COG4: variants seen among roughly 807,000 people sequenced by gnomAD.
COG4 encodes the protein component of oligomeric golgi complex 4, also known as conserved oligomeric Golgi complex subunit 4.
Under a neutral mutation model 95.1 loss-of-function variants are expected in COG4, and 65 were observed. That is an observed-to-expected ratio of 0.68 (90% CI 0.56 to 0.84). COG4 has a LOEUF of 0.84. Among genes scored for constraint, COG4 ranks in the 40% least tolerant of loss-of-function variants. The pLI is 0.00. For missense variants in COG4, 1,045 were observed against 989.1 expected (o/e 1.06, Z -0.76); for synonymous variants, 421 against 374.8 (o/e 1.12, Z -1.42).
rs746052535 is a variant in COG4, at chr16:70,512,222, G to A, written c.738+17C>T. 2 of 1,612,690 alleles carry A rather than the reference G, an allele frequency of 1.2e-6. No individual in the cohort carries two copies. The highest frequency in any genetic ancestry group is 2.2e-5 in the South Asian group (2 of 91,046). ...GACAGCCACACAATTATCCTGCCAA[G>A]CAATCAGGGTCCATACCTGCTTGCA... is the stretch of plus-strand genomic sequence containing the variant. On this transcript the variant is annotated intron_variant, in intron 5 of 18. Transcript: ENST00000323786.
At chr16:70,505,566 C>T (rs1555496474) in intron 8 of COG4, among the ~76,000 whole-genome samples, 1 of 150,438 alleles carries the variant, frequency 6.6e-6, no homozygotes. Flanking sequence ...CGGTGGCTCA[C>T]ACCTGTAATC....
At chr16:70,488,202 C>T (rs1203228072) in intron 13 of COG4, among the ~76,000 whole-genome samples, 3 of 151,694 alleles carry the variant, frequency 2.0e-5, no homozygotes, top group Non-Finnish European at 4.4e-5. Context: ...GGCGTGATCT[C>T]GACTCACTGC....
At chr16:70,501,220 C>A in intron 8 of COG4, 129 bp from the exon 9 acceptor site, 2 of 959,218 alleles carry the variant, frequency 2.1e-6, no homozygotes, top group Non-Finnish European at 3.2e-6. Flanking sequence ...CCAGATGGCC[C>A]TCCTAGCTCT....
chr16:70,512,827 A>C (rs1020334491), intron 4 of COG4, among the ~76,000 whole-genome samples: 5 of 152,160 alleles, frequency 3.3e-5, no homozygotes, highest in African/African-American at 7.2e-5. Context: ...AAAATAGAAA[A>C]ATTAGCTGGG....
chr16:70,509,989 C>T lies in COG4; in HGVS notation c.771G>A (p.Met257Ile). 1 of 1,614,054 alleles carries T rather than the reference C, an allele frequency of 6.2e-7. No homozygotes were observed. Among genetic ancestry groups the T allele is most frequent in the Admixed American group, 1.7e-5 (1 of 60,014 alleles). Reference protein sequence around the residue: ...VASKAEENLLMVLGTDMSDRR... With the variant: ...VASKAEENLLIVLGTDMSDRR... ...GATCACTCATGTCTGTCCCCAGCAC[C>T]ATGAGCAGATTCTCCTCAGCTTTAC... Residue 257 changes from methionine to isoleucine, a missense_variant, in exon 6 of 19, where the codon ATG becomes ATA. Transcript: ENST00000323786.
chr16:70,515,629 G>A (rs56087173), intron 3 of COG4, among the ~76,000 whole-genome samples: 2 of 152,070 alleles, frequency 1.3e-5, no homozygotes, highest in Admixed American at 1.3e-4. Context: ...GGTTGCACAC[G>A]CTGAGATCAA....
rs186113074 is a variant in COG4, at chr16:70,513,614, G to A, written c.544+721C>T. Among the ~76,000 whole-genome samples the A allele has an allele frequency of 4.6e-5, 7 of 152,266 alleles. No homozygotes were observed. The East Asian group carries it at 1.2e-3, about 25-fold the overall frequency. On this transcript the variant is annotated intron_variant, in intron 4 of 18. Coordinates refer to ENST00000323786, the MANE Select transcript of COG4 (RefSeq NM_015386.3). ...TAACAACATACCATGATAAAGTTAT[G>A]CAAATGTGGCCTCTCTCTTAAAATA...
intron 1 of COG4, 83 bp from the exon 2 acceptor site, chr16:70,519,814 G>T (rs1259096867): frequency 3.0e-6 from 3 of 1,016,280 alleles, no homozygotes; most frequent in Admixed American, 1.8e-5. Context: ...TAGCTGAAGG[G>T]TGAATCTCAT....
intron 1 of COG4, among the ~76,000 whole-genome samples, chr16:70,522,608 C>T (rs1202449594): frequency 6.6e-6 from 1 of 152,206 alleles, no homozygotes; most frequent in Admixed American, 6.5e-5. Context: ...CTCAACTTTG[C>T]TAGAAGTTTG....
intron 15 of COG4, chr16:70,482,486 C>A: frequency 1.6e-6 from 1 of 610,308 alleles, no homozygotes; most frequent in East Asian, 2.8e-5. Context: ...CTATCATAGG[C>A]GGGGCAAAAA....
At chr16:70,520,449 A>G (rs1334183978) in intron 1 of COG4, among the ~76,000 whole-genome samples, 2 of 133,660 alleles carry the variant, frequency 1.5e-5, no homozygotes, top group Non-Finnish European at 3.2e-5. Flanking sequence ...ACAAAGTGAG[A>G]CTCCGTCTCA....
At chr16:70,518,808 C>G (rs1199005468) in intron 2 of COG4, among the ~76,000 whole-genome samples, 6 of 151,952 alleles carry the variant, frequency 3.9e-5, no homozygotes, top group Admixed American at 6.6e-5. Context: ...GAAACCCTGT[C>G]TCTACTAAAA....
chr16:70,501,402 G>A lies in COG4; in HGVS notation c.1062-311C>T, dbSNP rs564151002. The stretch of plus-strand genomic sequence containing the variant: ...GGAGTCTTGCTCTGTTGCCCAGGCT[G>A]GAGTGCAGTGGCTCGATCTCAGCTC... On this transcript the variant is annotated intron_variant, in intron 8 of 18. Coordinates refer to ENST00000323786, the MANE Select transcript of COG4 (RefSeq NM_015386.3). 4 of 334,822 alleles carry A rather than the reference G, an allele frequency of 1.2e-5. No individual in the cohort carries two copies. In the East Asian group the frequency reaches 2.2e-4, roughly 18 times the overall value. 20.7% of individuals were successfully genotyped at this position (334,822 alleles called of 1,614,324 possible).
At chr16:70,520,559 G>A (rs1453126495) in intron 1 of COG4, among the ~76,000 whole-genome samples, 2 of 151,900 alleles carry the variant, frequency 1.3e-5, no homozygotes, top group Non-Finnish European at 2.9e-5. Flanking sequence ...TTGAACCCGG[G>A]AAGTGGAGGT....
At chr16:70,508,993 T>C (rs2049639609) in intron 7 of COG4, 1 of 589,564 alleles carries the variant, frequency 1.7e-6, no homozygotes. Flanking sequence ...GCTGTGTTCT[T>C]TTCAGGAAGC....
Position 70,523,382 on chromosome 16 carries a change from G to A in COG4, c.162C>T (p.Cys54=), listed in dbSNP as rs1287244332. The A allele has an allele frequency of 1.2e-6, 2 of 1,613,970 alleles. No individual in the cohort carries two copies. Among genetic ancestry groups the A allele is most frequent in the African/African-American group, 1.3e-5 (1 of 74,904 alleles). ...AGGCTCGACCCCGCACCTCCTCGCCGCAGAGCCGTTCGTATACAGCCTCCA... is the reference window on the plus strand; with the variant it reads ...AGGCTCGACCCCGCACCTCCTCGCCACAGAGCCGTTCGTATACAGCCTCCA... ...QELEAVYERL[C]GEEKVVEREL... Residue 54 remains cysteine (C), a synonymous_variant, in exon 1 of 19, where the codon TGC becomes TGT. Coordinates refer to ENST00000323786, the MANE Select transcript of COG4 (RefSeq NM_015386.3).
intron 3 of COG4, 63 bp from the exon 4 acceptor site, chr16:70,514,572 G>T (rs751188101): frequency 6.9e-7 from 1 of 1,451,802 alleles, no homozygotes; most frequent in East Asian, 2.3e-5. Context: ...CCTCAAGAAG[G>T]TAGGGAGATT....
intron 2 of COG4, among the ~76,000 whole-genome samples, chr16:70,518,033 C>T (rs1051597391): frequency 7.2e-5 from 11 of 152,000 alleles, no homozygotes; most frequent in African/African-American, 1.9e-4. Flanking sequence ...CGGGTTCAAG[C>T]GATTCTCCTG....
At chr16:70,483,790 A>C (rs2049064666) in intron 14 of COG4, 63 bp downstream of exon 14, 2 of 1,286,456 alleles carry the variant, frequency 1.6e-6, no homozygotes, top group East Asian at 4.6e-5. Flanking sequence ...TGAGCCAGCT[A>C]ACAATCTTCT....
Sources: gnomAD v4.1 joint callset for allele counts (sites outside exome capture counted in the v4.1 genomes callset) on GRCh38, gnomAD v4.1.1 for gene constraint, MANE v1.5 for transcripts, NCBI Gene and HGNC (gene_info 2026-07-23, HGNC 2026-07-21) for gene names.